LRCH3: variants seen among roughly 807,000 people sequenced by gnomAD.
LRCH3 encodes the protein leucine rich repeats and calponin homology domain containing 3.
Under a neutral mutation model 104.5 loss-of-function variants are expected in LRCH3, and 68 were observed. The observed-to-expected ratio is 0.65, with a 90% CI of 0.54 to 0.80. The LOEUF is 0.80. LRCH3 is among the 30% of genes least tolerant of loss of function. The probability of loss-of-function intolerance (pLI) is 0.00; values close to 1 mark genes in which losing one functional copy is unlikely to be tolerated. For synonymous variants in LRCH3, 344 were observed against 361.3 expected (o/e 0.95, Z 0.54); for missense variants, 951 against 953.9 (o/e 1.00, Z 0.04).
intron 10 of LRCH3, among the ~76,000 whole-genome samples, chr3:197,845,692 G>A (rs150349598): frequency 3.4e-4 from 52 of 151,594 alleles, no homozygotes; most frequent in Admixed American, 3.4e-3. Context: ...ATCACCTGAG[G>A]TCAGGAGTTC....
chr3:197,865,420 C>A lies in LRCH3; in HGVS notation c.1717-3C>A. 6.4e-7 allele frequency: 1 copy of A among 1,563,460 alleles called. No homozygotes were observed. The highest frequency in any genetic ancestry group is 8.7e-7 in the Non-Finnish European group (1 of 1,147,112). ...TTATTGATATATGTCTGTTTCTCCA[C>A]AGAGTGATGACAGACCTAATGCTCT... On this transcript the variant is annotated splice_region_variant and splice_polypyrimidine_tract_variant and intron_variant, in intron 15 of 20. Coordinates refer to ENST00000425562, the MANE Select transcript of LRCH3 (RefSeq NM_001365715.1).
At chr3:197,835,617 T>C (rs1560559912) in intron 8 of LRCH3, 57 bp from the exon 9 acceptor site, 1 of 1,403,934 alleles carries the variant, frequency 7.1e-7, no homozygotes, top group Non-Finnish European at 9.4e-7. Context: ...GGCTATCTAA[T>C]TTGAATGTTT....
intron 1 of LRCH3, among the ~76,000 whole-genome samples, chr3:197,798,543 G>A (rs1468150063): frequency 6.6e-6 from 1 of 152,210 alleles, no homozygotes; most frequent in Non-Finnish European, 1.5e-5. Context: ...GTAATGCAGT[G>A]TCATTGGAGC....
At position 197,854,413 on chromosome 3, in the gene LRCH3, T is replaced by C. The variant is rs1352147977; in HGVS notation, c.1612T>C (p.Ser538Pro). ...CCAGTGCCCCTTCCCATCCAGAAGG[T>C]CTCAGCACACTGATGATAGTGCCTT... Reference protein sequence around the residue: ...DGECPFPSRRSQHTDDSALCM... With the variant: ...DGECPFPSRRPQHTDDSALCM... The change falls in exon 14 of 21, where the codon TCT becomes CCT. Residue 538 changes from serine (S) to proline (P), a missense_variant. Transcript: ENST00000425562. This position sits in a 1 kb window ranked among gnomAD's most constrained non-coding sequence, Gnocchi z 4.5. 71 of 1,614,034 alleles carry C rather than the reference T, an allele frequency of 4.4e-5. No individual in the cohort carries two copies. Among genetic ancestry groups the C allele is most frequent in the Non-Finnish European group, 5.9e-5 (70 of 1,179,996 alleles).
intron 1 of LRCH3, among the ~76,000 whole-genome samples, chr3:197,793,088 A>T (rs920967718): frequency 6.6e-6 from 1 of 152,238 alleles, no homozygotes; most frequent in African/African-American, 2.4e-5. Context: ...TGCGGCTGGC[A>T]GTACTTGGTG....
chr3:197,801,459 G>T (rs960688470), intron 1 of LRCH3, among the ~76,000 whole-genome samples: 3 of 152,292 alleles, frequency 2.0e-5, no homozygotes, highest in East Asian at 3.9e-4. Context: ...GTATGTTTAT[G>T]ATTTATTCAC....
chr3:197,817,164 T>A lies in LRCH3; in HGVS notation c.408-12T>A. 1 of 1,587,652 alleles carries A rather than the reference T, an allele frequency of 6.3e-7. No individual in the cohort carries two copies. Among genetic ancestry groups the A allele is most frequent in the Non-Finnish European group, 8.6e-7 (1 of 1,167,882 alleles). Reference sequence around the variant, plus strand: ...GACTCTGATTCTTCTCTCTTTCTACTTACCCATTTAGTCGGAACCAACTGT... The same window carrying A: ...GACTCTGATTCTTCTCTCTTTCTACATACCCATTTAGTCGGAACCAACTGT... On this transcript the variant is annotated splice_polypyrimidine_tract_variant and intron_variant, in intron 2 of 20. Transcript: ENST00000425562.
chr3:197,859,713 C>T (rs1740664352), intron 15 of LRCH3, among the ~76,000 whole-genome samples: 1 of 151,926 alleles, frequency 6.6e-6, no homozygotes, highest in South Asian at 2.1e-4. Context: ...GTGGTTTATA[C>T]TTCTTTTCTT....
Position 197,812,504 on chromosome 3 carries a change from G to GTTTTT in LRCH3, c.263-2382_263-2378dup, listed in dbSNP as rs71623380. On this transcript the variant is annotated intron_variant, in intron 1 of 20. Transcript: ENST00000425562. ...ATATCTGTTCAAGTCTCTGCTTTCA[G>GTTTTT]TTTTTTTTTTTTTTTTTTTTTTTTT... Among the ~76,000 whole-genome samples the GTTTTT allele has an allele frequency of 4.3e-4, 21 of 48,972 alleles. 7 individuals are homozygous for GTTTTT. The highest frequency in any genetic ancestry group is 1.1e-3 in the African/African-American group (14 of 12,610). The allele number at this position is 48,972 out of a possible 152,430, so 32.1% of individuals were successfully genotyped here. A position where few individuals can be genotyped will look rare whatever the true frequency, so the allele number is the denominator to read the frequency against.
intron 10 of LRCH3, among the ~76,000 whole-genome samples, chr3:197,842,911 C>G (rs1738019332): frequency 6.6e-6 from 1 of 151,830 alleles, no homozygotes. Flanking sequence ...ATGGTGAAAC[C>G]TGATCTCTAC....
chr3:197,805,445 C>T (rs1175462975), intron 1 of LRCH3, among the ~76,000 whole-genome samples: 1 of 152,208 alleles, frequency 6.6e-6, no homozygotes, highest in East Asian at 1.9e-4. Context: ...GAGGGGGACA[C>T]GCCTCCAAAC....
chr3:197,861,817 AAATGTAGTT>A (rs540672166), intron 15 of LRCH3, among the ~76,000 whole-genome samples: 11 of 152,064 alleles, frequency 7.2e-5, no homozygotes, highest in Non-Finnish European at 1.2e-4. Context: ...AAGAGTTCCC[AAATGTAGTT>A]AATGGCCTCA....
rs746352319 is a variant in LRCH3, at chr3:197,883,741, T to C, written c.*75T>C. ...ACCGTGATTGCTGCTGCCAGCTGTC[T>C]GCTTAAACAAAGCTCTTGTGTGTTC... On this transcript the variant is annotated 3_prime_UTR_variant, in exon 21 of 21. Coordinates refer to ENST00000425562, the MANE Select transcript of LRCH3 (RefSeq NM_001365715.1). The surrounding 1 kb of genome is among the most constrained non-coding windows in gnomAD (Gnocchi z 4.2). The C allele has an allele frequency of 5.4e-5, 78 of 1,445,544 alleles. No individual in the cohort carries two copies. Among genetic ancestry groups the C allele is most frequent in the Non-Finnish European group, 7.0e-5 (76 of 1,089,000 alleles). 89.5% of individuals were successfully genotyped at this position (1,445,544 alleles called of 1,614,324 possible). A position where few individuals can be genotyped will look rare whatever the true frequency, so the allele number is the denominator to read the frequency against.
Position 197,875,688 on chromosome 3 carries a change from C to T in LRCH3, c.2131-10C>T. On this transcript the variant is annotated splice_polypyrimidine_tract_variant and intron_variant, in intron 19 of 20. Transcript: ENST00000425562. ...TTCTCTAGTAACACATTTTCTTTTC[C>T]TCATTTCAGCCTAAATTAACAATGG... 1 of 1,531,930 alleles carries T rather than the reference C, an allele frequency of 6.5e-7. No individual in the cohort carries two copies. The highest frequency in any genetic ancestry group is 8.7e-7 in the Non-Finnish European group (1 of 1,144,836). 94.9% of individuals were successfully genotyped at this position (1,531,930 alleles called of 1,614,324 possible).
chr3:197,815,870 T>C (rs1193653227), intron 2 of LRCH3, among the ~76,000 whole-genome samples: 1 of 152,250 alleles, frequency 6.6e-6, no homozygotes, highest in African/African-American at 2.4e-5. Flanking sequence ...AAATGTATCT[T>C]AATTTTATAA....
At chr3:197,794,934 G>C (rs1254678237) in intron 1 of LRCH3, among the ~76,000 whole-genome samples, 1 of 152,058 alleles carries the variant, frequency 6.6e-6, no homozygotes, top group African/African-American at 2.4e-5. Context: ...GAACCCAGGA[G>C]GCGGAGGTTG....
At chr3:197,812,026 G>T (rs1215522696) in intron 1 of LRCH3, among the ~76,000 whole-genome samples, 5 of 152,088 alleles carry the variant, frequency 3.3e-5, no homozygotes, top group African/African-American at 7.2e-5. Flanking sequence ...TTAAATTGTT[G>T]TGGTAAAATA....
Position 197,832,133 on chromosome 3 carries a change from A to G in LRCH3, c.982-64A>G, listed in dbSNP as rs1736029716. On this transcript the variant is annotated intron_variant, in intron 7 of 20. Transcript: ENST00000425562. ...TGCTTTGGTCTCCCAAAGCGCATGG[A>G]TTACAGGCATGATCTGCCAGGCTCT... 3 of 1,541,790 alleles carry G rather than the reference A, an allele frequency of 1.9e-6. No individual in the cohort carries two copies. In the South Asian group the frequency reaches 3.5e-5, roughly 18 times the overall value.
chr3:197,791,629 G>A, intron 1 of LRCH3, 89 bp downstream of exon 1: 1 of 1,402,872 alleles, frequency 7.1e-7, no homozygotes, highest in South Asian at 1.4e-5. Flanking sequence ...GGGAGTTACA[G>A]CAGCTCGTCC....
Sources: gnomAD v4.1 joint callset for allele counts (sites outside exome capture counted in the v4.1 genomes callset) on GRCh38, gnomAD v4.1.1 for gene constraint, Gnocchi (gnomAD v3.1) non-coding constraint, MANE v1.5 for transcripts, NCBI Gene and HGNC (gene_info 2026-07-23, HGNC 2026-07-21) for gene names.